Variants in MCTP2 observed in about 807,000 individuals in gnomAD.
The protein encoded by MCTP2 is multiple C2 and transmembrane domain containing 2.
In MCTP2, 132 loss-of-function variants were observed where a neutral mutation model predicts 111.6. That is an observed-to-expected ratio of 1.18 (90% CI 1.03 to 1.37). The LOEUF is 1.37. Ranked by LOEUF, MCTP2 falls within the 40% of genes most tolerant of loss-of-function variation. The pLI is 0.00. For missense variants in MCTP2, 1,183 were observed against 1,067.9 expected, an observed-to-expected ratio of 1.11 and a Z score of -1.50; for synonymous variants, 395 against 387.7, an observed-to-expected ratio of 1.02 and a Z score of -0.22.
intron 16 of MCTP2, among the ~76,000 whole-genome samples, chr15:94,401,296 A>G (rs1271695462): frequency 6.6e-6 from 1 of 152,142 alleles, no homozygotes; most frequent in Non-Finnish European, 1.5e-5. Context: ...GCACTTTTCT[A>G]AGCTTTTTCA....
chr15:94,447,692 A>C (rs2084201102), intron 19 of MCTP2, among the ~76,000 whole-genome samples: 1 of 152,214 alleles, frequency 6.6e-6, no homozygotes, highest in Non-Finnish European at 1.5e-5. Flanking sequence ...GCGCTTTCTT[A>C]AGAATGTCTA....
intron 1 of MCTP2, among the ~76,000 whole-genome samples, chr15:94,269,043 A>G (rs1035716586): frequency 1.3e-5 from 2 of 152,176 alleles, no homozygotes; most frequent in African/African-American, 4.8e-5. Flanking sequence ...CTATTTTAAT[A>G]ATATTGTTTA....
chr15:94,295,705 G>A (rs985490351), intron 1 of MCTP2, among the ~76,000 whole-genome samples: 2 of 151,626 alleles, frequency 1.3e-5, no homozygotes, highest in East Asian at 3.9e-4. Flanking sequence ...TTTTCTTTCA[G>A]CTTTAGATTT....
At chr15:94,385,236 C>T (rs575160529) in intron 13 of MCTP2, among the ~76,000 whole-genome samples, 187 bp from the exon 14 acceptor site, 69 of 152,044 alleles carry the variant, frequency 4.5e-4, no homozygotes, top group Non-Finnish European at 7.8e-4. Context: ...ATATGGATGT[C>T]TGAATCTTCT....
At chr15:94,464,257 T>TATTATATATATATATATTA (rs4001978) in intron 20 of MCTP2, among the ~76,000 whole-genome samples, 1 of 44,968 alleles carries the variant, frequency 2.2e-5, no homozygotes, top group African/African-American at 6.0e-5. Flanking sequence ...TATATATATA[T>TATTATATATATATATATTA]TATATATATA....
At chr15:94,245,556 G>A (rs927400496) in intron 1 of MCTP2, among the ~76,000 whole-genome samples, 2 of 139,678 alleles carry the variant, frequency 1.4e-5, no homozygotes, top group Admixed American at 1.5e-4. Flanking sequence ...ATTTATATAT[G>A]TATACATATA....
chr15:94,452,424 A>G (rs1416091703), intron 19 of MCTP2, among the ~76,000 whole-genome samples: 1 of 152,226 alleles, frequency 6.6e-6, no homozygotes, highest in African/African-American at 2.4e-5. Context: ...AAAAGCCATC[A>G]AGCTTGAGTT....
chr15:94,479,839 G>A lies in MCTP2; in HGVS notation c.*805G>A, dbSNP rs1238114140. On this transcript the variant is annotated 3_prime_UTR_variant, in exon 23 of 23. Transcript: ENST00000357742. ...AACATATAATTTCAGAAAGGCAGGT[G>A]GGGGTAGGGGAGAAATGAATGAATA... 2 of 152,038 alleles carry A rather than the reference G, an allele frequency of 1.3e-5. No homozygotes were observed. The highest frequency in any genetic ancestry group is 3.8e-4 in the East Asian group (2 of 5,198). 9.4% of individuals were successfully genotyped at this position (152,038 alleles called of 1,614,324 possible). A position where few individuals can be genotyped will look rare whatever the true frequency, so the allele number is the denominator to read the frequency against.
intron 17 of MCTP2, among the ~76,000 whole-genome samples, chr15:94,428,694 T>G (rs1380350315): frequency 1.3e-5 from 2 of 152,188 alleles, no homozygotes; most frequent in African/African-American, 4.8e-5. Context: ...TAACCTTGTT[T>G]CTGTGGTCTG....
At position 94,478,976 on chromosome 15, in the gene MCTP2, C is replaced by T. The variant is rs1380006631; in HGVS notation, c.2579C>T (p.Ala860Val). The change falls in exon 23 of 23, where the codon GCA (alanine) becomes GTA (valine). Residue 860 changes from alanine (A) to valine (V), a missense_variant. By Grantham distance (64) the Ala-to-Val change is moderately conservative (BLOSUM62 0). Coordinates refer to ENST00000357742, the MANE Select transcript of MCTP2 (RefSeq NM_001385001.1). ...TATTTGTTTTCACAGGTGCAGTATG[C>T]AGAATTGAAACTCTGCAGCAGCCAC... ...VPSDVQKVQY[A>V]ELKLCSSHSP... is the part of the protein sequence containing the mutation. 6.2e-7 allele frequency: 1 copy of T among 1,613,840 alleles called. No homozygotes were observed. Among genetic ancestry groups the T allele is most frequent in the African/African-American group, 1.3e-5 (1 of 74,928 alleles).
rs774656670 is a variant in MCTP2, at chr15:94,367,613, T to G, written c.1310T>G (p.Val437Gly). 2.5e-6 allele frequency: 4 copies of G among 1,610,476 alleles called. No individual in the cohort carries two copies. The highest frequency in any genetic ancestry group is 3.4e-6 in the Non-Finnish European group (4 of 1,178,424). ...TCCTGAAACTTTTCTAGGTGTAAAG[T>G]GGATATCTCGGCACTCCCTCTGAAG... ...KHEERLGTCKVDISALPLKQA... is the reference protein window; with the variant it reads ...KHEERLGTCKGDISALPLKQA... Residue 437 changes from valine (V) to glycine (G), a missense_variant, in exon 11 of 23, where the codon GTG becomes GGG. Val to Gly is a moderately radical substitution (Grantham distance 109). Coordinates refer to ENST00000357742, the MANE Select transcript of MCTP2 (RefSeq NM_001385001.1).
At chr15:94,314,939 G>A (rs556829937) in intron 3 of MCTP2, 445 of 359,962 alleles carry the variant, frequency 1.2e-3, no homozygotes, top group Non-Finnish European at 2.0e-3. Flanking sequence ...TGGAAAAGCC[G>A]GGAGAGCACT....
intron 21 of MCTP2, 33 bp downstream of exon 21, chr15:94,470,475 A>G (rs554766441): frequency 7.4e-7 from 1 of 1,354,498 alleles, no homozygotes; most frequent in East Asian, 2.3e-5. Flanking sequence ...GCTAGCAATC[A>G]ATTCCAGGTA....
intron 19 of MCTP2, among the ~76,000 whole-genome samples, chr15:94,444,660 A>G (rs2152514219): frequency 6.6e-6 from 1 of 152,344 alleles, no homozygotes; most frequent in African/African-American, 2.4e-5. Flanking sequence ...ATAGCAAAAG[A>G]TGTTCGTATC....
At chr15:94,273,315 C>T (rs191075852) in intron 1 of MCTP2, among the ~76,000 whole-genome samples, 2 of 152,316 alleles carry the variant, frequency 1.3e-5, no homozygotes, top group East Asian at 3.9e-4. Flanking sequence ...CCTCTAATTT[C>T]AGAGGACTGA....
chr15:94,363,982 G>C (rs1456847504), intron 10 of MCTP2, among the ~76,000 whole-genome samples: 1 of 151,286 alleles, frequency 6.6e-6, no homozygotes, highest in Non-Finnish European at 1.5e-5. Flanking sequence ...AGGTTTTATT[G>C]CTTTATCCAT....
intron 4 of MCTP2, among the ~76,000 whole-genome samples, chr15:94,317,032 T>C (rs1482058199): frequency 1.3e-5 from 2 of 152,192 alleles, no homozygotes; most frequent in African/African-American, 4.8e-5. Context: ...GCTTGCTCAT[T>C]TTCTTGTCAG....
At chr15:94,450,480 A>G (rs906466394) in intron 19 of MCTP2, among the ~76,000 whole-genome samples, 6 of 152,248 alleles carry the variant, frequency 3.9e-5, no homozygotes, top group African/African-American at 1.2e-4. Flanking sequence ...TTCATGTATC[A>G]GAAATATTGC....
intron 1 of MCTP2, among the ~76,000 whole-genome samples, chr15:94,273,225 C>T (rs1463957931): frequency 6.6e-6 from 1 of 152,174 alleles, no homozygotes; most frequent in African/African-American, 2.4e-5. Context: ...CTAAACAACA[C>T]AGCCAAACAC....
Sources: gnomAD v4.1 joint callset for allele counts (sites outside exome capture counted in the v4.1 genomes callset) on GRCh38, gnomAD v4.1.1 for gene constraint, MANE v1.5 for transcripts, NCBI Gene and HGNC (gene_info 2026-07-23, HGNC 2026-07-21) for gene names.